Variants in ANKMY1 observed in about 807,000 individuals in gnomAD.
ANKMY1 encodes ankyrin repeat and MYND domain containing 1.
ANKMY1 carries 98 observed loss-of-function variants against 102.0 expected under a neutral mutation model. The ratio of observed to expected loss-of-function variants is 0.96; its 90% CI spans 0.82 to 1.14. The LOEUF (loss-of-function observed/expected upper bound fraction) is 1.14, where lower values mean the gene tolerates loss of function less well. Among genes scored for constraint, ANKMY1 ranks in the 50% most tolerant of loss-of-function variants. The pLI, the probability that ANKMY1 is intolerant of heterozygous loss-of-function variation, is 0.00. For missense variants in ANKMY1, 1,330 were observed against 1,347.6 expected (o/e 0.99, Z 0.20); for synonymous variants, 582 against 559.9 (o/e 1.04, Z -0.56).
chr2:240,497,709 G>C (rs1001827428), intron 15 of ANKMY1, among the ~76,000 whole-genome samples: 3 of 152,148 alleles, frequency 2.0e-5, no homozygotes, highest in Non-Finnish European at 4.4e-5. Flanking sequence ...CTCAACATTA[G>C]GCTTGAAACT....
At chr2:240,478,824 G>A (rs550362762), downstream of ANKMY1, among the ~76,000 whole-genome samples, 3 of 151,756 alleles carry the variant, frequency 2.0e-5, no homozygotes, top group Non-Finnish European at 2.9e-5. Context: ...CCCGACACAG[G>A]CTCCCACCCC....
intron 9 of ANKMY1, among the ~76,000 whole-genome samples, chr2:240,518,059 G>A (rs955985641): frequency 1.3e-5 from 2 of 152,176 alleles, no homozygotes; most frequent in South Asian, 2.1e-4. Context: ...AGACGGATGC[G>A]TGGCCTGATT....
At chr2:240,469,059 C>T in the ANKMY1 span, among the ~76,000 whole-genome samples, 1 of 152,132 alleles carries the variant, frequency 6.6e-6, no homozygotes, top group Middle Eastern at 3.2e-3. Flanking sequence ...CTCAGCGGGG[C>T]CCCTAGGGGA....
Position 240,529,606 on chromosome 2 carries a change from C to T in ANKMY1, c.481-97G>A. 2 of 1,246,366 alleles carry T rather than the reference C, an allele frequency of 1.6e-6. No homozygotes were observed. Among genetic ancestry groups the T allele is most frequent in the Non-Finnish European group, 2.2e-6 (2 of 922,636 alleles). The allele number at this position is 1,246,366 out of a possible 1,614,324, so 77.2% of individuals were successfully genotyped here. ...TCAAAAGAAATCCCAAAAAAGAAAA[C>T]TTTCCCAAGAAATGCATGCATTCAG... On this transcript the variant is annotated intron_variant, in intron 4 of 17. Coordinates refer to ENST00000401804, the MANE Select transcript of ANKMY1 (RefSeq NM_001282771.3). This position sits in a 1 kb window ranked among gnomAD's most constrained non-coding sequence, Gnocchi z 4.2.
intron 4 of ANKMY1, among the ~76,000 whole-genome samples, chr2:240,538,596 G>A (rs377248405): frequency 3.9e-5 from 6 of 152,088 alleles, no homozygotes; most frequent in African/African-American, 7.2e-5. Flanking sequence ...CCCGACAGGC[G>A]CCGCCCCCTG....
intron 11 of ANKMY1, 135 bp downstream of exon 11, chr2:240,511,726 C>T: frequency 8.4e-7 from 1 of 1,187,342 alleles, no homozygotes; most frequent in Non-Finnish European, 1.1e-6. Flanking sequence ...TTGCTTCCCT[C>T]CCCATCCTTC....
Position 240,506,233 on chromosome 2 carries a change from C to G in ANKMY1, c.2526+1327G>C, listed in dbSNP as rs1366823620. On this transcript the variant is annotated intron_variant, in intron 13 of 17. Transcript: ENST00000401804. The surrounding 1 kb of genome is among the most constrained non-coding windows in gnomAD (Gnocchi z 4.9). ...GCGTCCACACACAACAACGCTGCCC[C>G]CTGAGCTGCCTCTCCCGTCTCGCGT... is the stretch of plus-strand genomic sequence containing the variant. Among the ~76,000 whole-genome samples the G allele has an allele frequency of 6.6e-6, 1 of 152,198 alleles. No homozygotes were observed. The highest frequency in any genetic ancestry group is 1.5e-5 in the Non-Finnish European group (1 of 68,036).
chr2:240,471,536 G>A, the ANKMY1 span, among the ~76,000 whole-genome samples: 1 of 152,186 alleles, frequency 6.6e-6, no homozygotes, highest in Admixed American at 6.5e-5. Flanking sequence ...AAAGCGAAAA[G>A]GGGGAGAAAT....
chr2:240,523,925 C>T lies in ANKMY1; in HGVS notation c.1792G>A (p.Asp598Asn), dbSNP rs372240297. The change falls in exon 8 of 18, where the codon GAC becomes AAC. Residue 598 changes from aspartate (D) to asparagine (N), a missense_variant. Asp to Asn is a conservative substitution (Grantham distance 23). Coordinates refer to ENST00000401804, the MANE Select transcript of ANKMY1 (RefSeq NM_001282771.3). ...GCCATCCTCCGCATGGTCCCTTTGT[C>T]GAAGCTGCTGGTGCACGGTGAGGGC... is the stretch of plus-strand genomic sequence containing the variant. Reference protein sequence around the residue: ...ASPSPCTSSFDKGTMRRMALS... With the variant: ...ASPSPCTSSFNKGTMRRMALS... 8.1e-5 allele frequency: 131 copies of T among 1,613,724 alleles called. No homozygotes were observed. Among genetic ancestry groups the T allele is most frequent in the Middle Eastern group, 1.6e-4 (1 of 6,062 alleles).
chr2:240,559,310 C>A (rs2092735477), upstream of ANKMY1, among the ~76,000 whole-genome samples: 1 of 152,202 alleles, frequency 6.6e-6, no homozygotes, highest in African/African-American at 2.4e-5. Flanking sequence ...GGAGGAGGGA[C>A]TTCAGGTTTT....
At chr2:240,500,275 G>A (rs1574972910) in intron 14 of ANKMY1, 152 bp from the exon 15 acceptor site, 1 of 1,196,384 alleles carries the variant, frequency 8.4e-7, no homozygotes, top group Admixed American at 2.7e-5. Context: ...ACATACAGCT[G>A]CACCTGGCAT....
At chr2:240,471,852 T>G in the ANKMY1 span, among the ~76,000 whole-genome samples, 1 of 152,144 alleles carries the variant, frequency 6.6e-6, no homozygotes, top group Non-Finnish European at 1.5e-5. Flanking sequence ...AGAAATGGCC[T>G]CATCCCCCTA....
At chr2:240,511,294 G>A (rs983807479) in intron 11 of ANKMY1, among the ~76,000 whole-genome samples, 1 of 152,332 alleles carries the variant, frequency 6.6e-6, no homozygotes, top group South Asian at 2.1e-4. Flanking sequence ...ACTGAGGCTC[G>A]GTGTGCCATG....
Position 240,523,861 on chromosome 2 carries a change from C to T in ANKMY1, c.1832+24G>A, listed in dbSNP as rs140099001. 8.7e-5 allele frequency: 140 copies of T among 1,602,536 alleles called. No individual in the cohort carries two copies. In the African/African-American group the frequency reaches 1.6e-3, roughly 18 times the overall value. Reference sequence around the variant, plus strand: ...CAGCCCTGATGGTGGCCCTCCACCCCCACCAGCTGGTGCCAGGACCTACTC... The same window carrying T: ...CAGCCCTGATGGTGGCCCTCCACCCTCACCAGCTGGTGCCAGGACCTACTC... On this transcript the variant is annotated intron_variant, in intron 8 of 17. Coordinates refer to ENST00000401804, the MANE Select transcript of ANKMY1 (RefSeq NM_001282771.3).
At position 240,544,126 on chromosome 2, in the gene ANKMY1, AG is replaced by A. The variant is rs1225141961; in HGVS notation, c.480+8787del. 1.7e-4 allele frequency among the ~76,000 whole-genome samples: 26 copies of A among 152,358 alleles called. 1 individual carries two copies. Among genetic ancestry groups the A allele is most frequent in the Middle Eastern group, 6.8e-3 (2 of 294 alleles). ...ACAAAGTAGAAAGGAACCAGTAAGTAGGGGAAAGAGATGTGAAGAAAGTTAT... is the reference window on the plus strand; with the variant it reads ...ACAAAGTAGAAAGGAACCAGTAAGTAGGGAAAGAGATGTGAAGAAAGTTAT... On this transcript the variant is annotated intron_variant, in intron 4 of 17. Coordinates refer to ENST00000401804, the MANE Select transcript of ANKMY1 (RefSeq NM_001282771.3).
chr2:240,555,564 T>A (rs2092239121), intron 2 of ANKMY1: 2 of 166,880 alleles, frequency 1.2e-5, no homozygotes, highest in Admixed American at 5.7e-5. Context: ...GACAGATGGA[T>A]GGATGCAGGG....
chr2:240,490,610 T>C (rs1389731571), intron 15 of ANKMY1, among the ~76,000 whole-genome samples: 2 of 152,196 alleles, frequency 1.3e-5, no homozygotes, highest in Admixed American at 6.5e-5. Flanking sequence ...CATATTTAAA[T>C]AGTAGAAATT....
At chr2:240,479,723 TC>T in intron 17 of ANKMY1, 68 bp from the exon 18 acceptor site, 2 of 1,458,122 alleles carry the variant, frequency 1.4e-6, no homozygotes, top group Non-Finnish European at 1.9e-6. Flanking sequence ...GAGGCCTGGC[TC>T]CAGAACTCGG....
At chr2:240,557,688 C>T (rs969887774) in intron 1 of ANKMY1, among the ~76,000 whole-genome samples, 193 bp downstream of exon 1, 1 of 152,202 alleles carries the variant, frequency 6.6e-6, no homozygotes, top group Admixed American at 6.5e-5. Context: ...CGGGTCTCAG[C>T]CACGGGCCTC....
Sources: allele counts gnomAD v4.1 joint callset (sites outside exome capture counted in the v4.1 genomes callset), GRCh38; gene constraint gnomAD v4.1.1; non-coding constraint Gnocchi (gnomAD v3.1); transcripts MANE v1.5; gene names NCBI Gene and HGNC (gene_info 2026-07-23, HGNC 2026-07-21).